AKAP6: variants seen among roughly 807,000 people sequenced by gnomAD.
AKAP6 encodes A-kinase anchor protein 6.
Under a neutral mutation model 188.5 loss-of-function variants are expected in AKAP6, and 58 were observed. The observed-to-expected ratio is 0.31, with a 90% confidence interval of 0.25 to 0.38. The LOEUF is 0.38. Ranked by LOEUF, AKAP6 falls within the 10% of genes least tolerant of loss-of-function variation. AKAP6 has a pLI of 1.00. For synonymous variants in AKAP6, 989 were observed against 998.6 expected (o/e 0.99, Z 0.18); for missense variants, 2,710 against 2,740.0 (o/e 0.99, Z 0.24).
At chr14:32,465,451 T>A (rs950990399) in intron 2 of AKAP6, among the ~76,000 whole-genome samples, 5 of 152,146 alleles carry the variant, frequency 3.3e-5, no homozygotes, top group African/African-American at 1.2e-4. Flanking sequence ...TACAACCAAC[T>A]GATCTTCGAC....
chr14:32,511,173 G>T (rs538514279), intron 2 of AKAP6, among the ~76,000 whole-genome samples: 1 of 152,166 alleles, frequency 6.6e-6, no homozygotes, highest in Non-Finnish European at 1.5e-5. Context: ...CTTGTTGTCA[G>T]TGTTTTCTCT....
In AKAP6 at chr14:32,682,995, C is replaced by CTTTTTTTTTTTTTTGTTTTTGT. The variant is rs71115090; in HGVS notation, c.2879+4546_2879+4547insTTTTGTTTTTGTTTTTTTTTTT. Among the ~76,000 whole-genome samples the CTTTTTTTTTTTTTTGTTTTTGT allele has an allele frequency of 5.8e-4, 82 of 142,322 alleles. 1 individual carries two copies. Among genetic ancestry groups the CTTTTTTTTTTTTTTGTTTTTGT allele is most frequent in the African/African-American group, 1.8e-3 (70 of 37,878 alleles). 93.4% of individuals were successfully genotyped at this position (142,322 alleles called of 152,430 possible). Reference sequence around the variant, plus strand: ...GATTCTTTTTTTTTCTTTTTTCTTCCTTTTTTTTTTGTTTTTGAGACAAAG... The same window carrying CTTTTTTTTTTTTTTGTTTTTGT: ...GATTCTTTTTTTTTCTTTTTTCTTCCTTTTTTTTTTTTTTGTTTTTGTTTTTTTTTTTGTTTTTGAGACAAAG... On this transcript the variant is annotated intron_variant, in intron 8 of 13. Coordinates refer to ENST00000280979, the MANE Select transcript of AKAP6 (RefSeq NM_004274.5).
chr14:32,512,287 T>C (rs1881299536), intron 2 of AKAP6, among the ~76,000 whole-genome samples: 1 of 152,206 alleles, frequency 6.6e-6, no homozygotes, highest in Non-Finnish European at 1.5e-5. Context: ...CGTTGTTTGA[T>C]ATGAGTAGAA....
chr14:32,794,045 A>G (rs2033690390), intron 12 of AKAP6, among the ~76,000 whole-genome samples: 1 of 152,220 alleles, frequency 6.6e-6, no homozygotes, highest in African/African-American at 2.4e-5. Flanking sequence ...ACAACAGAAT[A>G]TACATTCTTC....
intron 7 of AKAP6, among the ~76,000 whole-genome samples, chr14:32,622,591 G>T (rs1460659644): frequency 2.0e-5 from 3 of 151,996 alleles, no homozygotes; most frequent in Admixed American, 1.3e-4. Flanking sequence ...CTCCCTCAAA[G>T]GGTTATTGAA....
At chr14:32,776,631 C>A (rs2033075158) in intron 12 of AKAP6, among the ~76,000 whole-genome samples, 1 of 152,142 alleles carries the variant, frequency 6.6e-6, no homozygotes, top group Non-Finnish European at 1.5e-5. Flanking sequence ...TACATGTGTT[C>A]ATTTAATAAA....
At chr14:32,548,167 T>G (rs1883283713) in intron 4 of AKAP6, among the ~76,000 whole-genome samples, 1 of 144,854 alleles carries the variant, frequency 6.9e-6, no homozygotes, top group Admixed American at 7.0e-5. Context: ...AATGGCACCA[T>G]CTCAGCTCAC....
intron 1 of AKAP6, among the ~76,000 whole-genome samples, chr14:32,406,845 T>C (rs1889311797): frequency 6.6e-6 from 1 of 152,208 alleles, no homozygotes; most frequent in African/African-American, 2.4e-5. Context: ...CATTAGTGTC[T>C]TATCCTTACA....
rs770940442 is a variant in AKAP6, at chr14:32,545,768, C to T, written c.1115C>T (p.Thr372Ile). ...VPCENATPKRTIRDCFNYNED... is the reference protein window; with the variant it reads ...VPCENATPKRIIRDCFNYNED... ...TGTGAAAATGCAACCCCCAAACGAA[C>T]CATCAGAGATTGCTTTAATTATAAC... The change falls in exon 4 of 14, where the codon ACC (threonine) becomes ATC (isoleucine). Residue 372 changes from threonine (T) to isoleucine (I), a missense_variant. By Grantham distance (89) the Thr-to-Ile change is moderately conservative (BLOSUM62 -1). Around this residue, in one of 2 missense-constraint regions of AKAP6, gnomAD observed 2,473 missense variants for 2,426.1 expected, o/e 1.02. Transcript: ENST00000280979. The T allele has an allele frequency of 6.2e-7, 1 of 1,614,212 alleles. No individual in the cohort carries two copies. Among genetic ancestry groups the T allele is most frequent in the Non-Finnish European group, 8.5e-7 (1 of 1,180,044 alleles).
chr14:32,488,749 C>A (rs10135381), intron 2 of AKAP6, among the ~76,000 whole-genome samples: 23,284 of 152,066 alleles, frequency 0.15, 1,925 homozygotes, highest in Admixed American at 0.25. Flanking sequence ...GTCCTTCACT[C>A]GTGGCCCTAG....
At chr14:32,554,807 A>T (rs1021076478) in intron 4 of AKAP6, among the ~76,000 whole-genome samples, 1 of 152,172 alleles carries the variant, frequency 6.6e-6, no homozygotes, top group African/African-American at 2.4e-5. Context: ...TCAGTGAAGC[A>T]TTTCAGGAGA....
intron 7 of AKAP6, among the ~76,000 whole-genome samples, chr14:32,615,912 C>A (rs181479727): frequency 5.3e-5 from 8 of 152,148 alleles, no homozygotes; most frequent in East Asian, 1.9e-4. Context: ...TACTTTTTAA[C>A]CTCTTCTCAA....
chr14:32,608,926 G>A (rs947413362), intron 7 of AKAP6, among the ~76,000 whole-genome samples: 1 of 148,000 alleles, frequency 6.8e-6, no homozygotes, highest in Non-Finnish European at 1.5e-5. Flanking sequence ...AAAAAAGAAG[G>A]CAAAATACAG....
chr14:32,670,873 CTG>C (rs1889160624), intron 7 of AKAP6, among the ~76,000 whole-genome samples: 1 of 152,124 alleles, frequency 6.6e-6, no homozygotes, highest in Admixed American at 6.6e-5. Flanking sequence ...TTCAAACTAA[CTG>C]TTTTATTTCT....
chr14:32,613,962 C>T (rs912889746), intron 7 of AKAP6, among the ~76,000 whole-genome samples: 3 of 152,134 alleles, frequency 2.0e-5, no homozygotes, highest in African/African-American at 7.2e-5. Context: ...AATAGTGCTG[C>T]TACTAATTTT....
At chr14:32,753,563 G>A (rs891349041) in intron 11 of AKAP6, among the ~76,000 whole-genome samples, 7 of 151,872 alleles carry the variant, frequency 4.6e-5, no homozygotes, top group African/African-American at 9.7e-5. Flanking sequence ...TTGTGTTTTC[G>A]AGGTCATATC....
At chr14:32,581,057 G>A (rs1412073947) in intron 5 of AKAP6, among the ~76,000 whole-genome samples, 1 of 152,122 alleles carries the variant, frequency 6.6e-6, no homozygotes, top group Non-Finnish European at 1.5e-5. Flanking sequence ...AAGTCCTTTG[G>A]GTATATACCC....
chr14:32,725,543 A>T (rs1214719722), intron 9 of AKAP6, among the ~76,000 whole-genome samples: 1 of 152,006 alleles, frequency 6.6e-6, no homozygotes, highest in Non-Finnish European at 1.5e-5. Flanking sequence ...CGTTTGAGAC[A>T]ATTTGTTTTT....
intron 1 of AKAP6, among the ~76,000 whole-genome samples, chr14:32,344,250 T>C (rs1194351882): frequency 1.3e-5 from 2 of 152,234 alleles, no homozygotes; most frequent in Non-Finnish European, 2.9e-5. Context: ...TTCTGGGAGC[T>C]GTCCAGACAA....
Sources: gnomAD v4.1 joint callset for allele counts (sites outside exome capture counted in the v4.1 genomes callset) on GRCh38, gnomAD v4.1.1 for gene constraint, gnomAD v4.1.1 regional missense constraint, MANE v1.5 for transcripts, NCBI Gene and HGNC (gene_info 2026-07-23, HGNC 2026-07-21) for gene names.